The following CDH13 variants were observed in gnomAD, a reference collection of about 807,000 sequenced individuals.
The protein encoded by CDH13 is cadherin-13.
A neutral mutation model predicts 63.8 loss-of-function variants in CDH13; 24 were observed. The ratio of observed to expected loss-of-function variants is 0.38; its 90% CI spans 0.27 to 0.53. CDH13 has a LOEUF of 0.53. CDH13 is among the 20% of genes least tolerant of loss of function. The pLI, the probability that CDH13 is intolerant of heterozygous loss-of-function variation, is 0.85. For synonymous variants in CDH13, 503 were observed against 355.3 expected, an observed-to-expected ratio of 1.42 and a Z score of -4.67; for missense variants, 1,049 against 903.1, an observed-to-expected ratio of 1.16 and a Z score of -2.07.
In CDH13 at chr16:83,222,772, T is replaced by C. The variant is rs10514587; in HGVS notation, c.636+5275T>C. Among the ~76,000 whole-genome samples, 590 of 152,160 alleles carry C rather than the reference T, an allele frequency of 3.9e-3. 7 individuals carry two copies. The highest frequency in any genetic ancestry group is 0.013 in the African/African-American group (551 of 41,464). On this transcript the variant is annotated intron_variant, in intron 5 of 13. Transcript: ENST00000567109. ...ATTTATTAAAGAGTACAGGTAGCCA[T>C]TAGGATTGCCCAAAGTGCCAAGTAA...
At chr16:83,218,516 C>G (rs562911884) in intron 5 of CDH13, among the ~76,000 whole-genome samples, 10 of 152,214 alleles carry the variant, frequency 6.6e-5, no homozygotes, top group African/African-American at 1.9e-4. Flanking sequence ...TCAGAAATAC[C>G]CAGTTCCAGC....
chr16:83,502,693 T>C (rs942080100), intron 7 of CDH13, among the ~76,000 whole-genome samples: 9 of 152,180 alleles, frequency 5.9e-5, no homozygotes, highest in Non-Finnish European at 1.3e-4. Context: ...ACAGGTGAAG[T>C]ACATTAACTC....
chr16:83,050,766 G>C (rs960671683), intron 3 of CDH13, among the ~76,000 whole-genome samples: 1 of 151,860 alleles, frequency 6.6e-6, no homozygotes, highest in African/African-American at 2.4e-5. Context: ...CTCATACTGG[G>C]GTTAACTGTG....
At chr16:83,071,963 C>T (rs1017928257) in intron 3 of CDH13, among the ~76,000 whole-genome samples, 1 of 152,172 alleles carries the variant, frequency 6.6e-6, no homozygotes, top group African/African-American at 2.4e-5. Flanking sequence ...GTCAAAGAGA[C>T]ATATAATTTA....
At chr16:83,018,333 T>C (rs1007349707) in intron 2 of CDH13, among the ~76,000 whole-genome samples, 1 of 152,204 alleles carries the variant, frequency 6.6e-6, no homozygotes, top group Admixed American at 6.5e-5. Flanking sequence ...CACATTCACC[T>C]TTAGTTGCCG....
At chr16:83,543,976 G>T (rs1328561504) in intron 7 of CDH13, among the ~76,000 whole-genome samples, 1 of 152,186 alleles carries the variant, frequency 6.6e-6, no homozygotes, top group Non-Finnish European at 1.5e-5. Context: ...GGAGAACACA[G>T]CTTTGTTGTT....
At chr16:83,168,175 T>C (rs2037766032) in intron 4 of CDH13, among the ~76,000 whole-genome samples, 1 of 152,032 alleles carries the variant, frequency 6.6e-6, no homozygotes, top group African/African-American at 2.4e-5. Flanking sequence ...CCTGCACTTG[T>C]ACCCGCTGAA....
At chr16:82,800,119 G>A (rs535130237) in intron 1 of CDH13, among the ~76,000 whole-genome samples, 52 of 152,130 alleles carry the variant, frequency 3.4e-4, no homozygotes, top group African/African-American at 1.2e-3. Flanking sequence ...TTGCATATTT[G>A]TCTGTCTTGT....
chr16:83,699,402 A>G (rs1905873656), intron 10 of CDH13, among the ~76,000 whole-genome samples: 5 of 152,220 alleles, frequency 3.3e-5, no homozygotes, highest in Admixed American at 3.3e-4. Context: ...TGATAAGTTG[A>G]TAAGTCCTGA....
At chr16:83,003,769 C>T (rs1243012099) in intron 2 of CDH13, among the ~76,000 whole-genome samples, 1 of 152,212 alleles carries the variant, frequency 6.6e-6, no homozygotes, top group Non-Finnish European at 1.5e-5. Context: ...TCAAAGGTTC[C>T]TTAGAATGTT....
chr16:83,060,332 G>T (rs2031414243), intron 3 of CDH13, among the ~76,000 whole-genome samples: 1 of 152,096 alleles, frequency 6.6e-6, no homozygotes, highest in Non-Finnish European at 1.5e-5. Context: ...TAAATGCGTA[G>T]GTCTCCATTC....
chr16:83,108,794 A>G (rs560867399), intron 3 of CDH13, among the ~76,000 whole-genome samples: 4 of 152,266 alleles, frequency 2.6e-5, no homozygotes, highest in East Asian at 1.9e-4. Context: ...TCACAAGCCT[A>G]GAGAATGTGT....
chr16:83,014,319 TAAAAAAAA>T lies in CDH13; in HGVS notation c.158-17674_158-17667del, dbSNP rs34322579. ...AGACAACTCTTAGAGCCCAAATCGATAAAAAAAAAAAAAAAAAAAAAAAACTTAGCATC... is the reference window on the plus strand; with the variant it reads ...AGACAACTCTTAGAGCCCAAATCGATAAAAAAAAAAAAAAAACTTAGCATC... On this transcript the variant is annotated intron_variant, in intron 2 of 13. Coordinates refer to ENST00000567109, the MANE Select transcript of CDH13 (RefSeq NM_001257.5). Among the ~76,000 whole-genome samples the T allele has an allele frequency of 7.5e-3, 508 of 67,724 alleles. 4 individuals carry two copies. The highest frequency in any genetic ancestry group is 0.021 in the African/African-American group (489 of 23,076). The allele number at this position is 67,724 out of a possible 152,430, so 44.4% of individuals were successfully genotyped here. A position where few individuals can be genotyped will look rare whatever the true frequency, so the allele number is the denominator to read the frequency against.
At chr16:82,836,069 C>G (rs1016959170) in intron 1 of CDH13, among the ~76,000 whole-genome samples, 1 of 152,096 alleles carries the variant, frequency 6.6e-6, no homozygotes, top group Non-Finnish European at 1.5e-5. Context: ...CTTTTCAGGG[C>G]CCTAAGTGTG....
intron 2 of CDH13, among the ~76,000 whole-genome samples, chr16:83,028,096 G>C (rs1158857362): frequency 6.6e-6 from 1 of 152,172 alleles, no homozygotes; most frequent in Non-Finnish European, 1.5e-5. Context: ...CCCCAGCTGA[G>C]ACTGTCTTCT....
At chr16:82,689,750 C>T (rs1383209512) in intron 1 of CDH13, among the ~76,000 whole-genome samples, 1 of 151,980 alleles carries the variant, frequency 6.6e-6, no homozygotes, top group Non-Finnish European at 1.5e-5. Flanking sequence ...TCTGGACAAA[C>T]TGGGCTGTCT....
chr16:83,450,280 C>T (rs1017903497), intron 6 of CDH13, among the ~76,000 whole-genome samples: 10 of 152,142 alleles, frequency 6.6e-5, no homozygotes, highest in African/African-American at 1.2e-4. Context: ...CCCTCAAAAG[C>T]GGAAATGTTG....
chr16:83,388,912 A>G (rs1417438623), intron 6 of CDH13, among the ~76,000 whole-genome samples: 1 of 152,162 alleles, frequency 6.6e-6, no homozygotes. Context: ...GTGTGCTCAT[A>G]AGGTGGGAGA....
At chr16:82,934,002 A>G (rs1289991948) in intron 2 of CDH13, among the ~76,000 whole-genome samples, 1 of 152,166 alleles carries the variant, frequency 6.6e-6, no homozygotes, top group Non-Finnish European at 1.5e-5. Context: ...CAAGCTGTCC[A>G]TGGATCTACC....
Sources: gnomAD v4.1 joint callset for allele counts (sites outside exome capture counted in the v4.1 genomes callset) on GRCh38, gnomAD v4.1.1 for gene constraint, MANE v1.5 for transcripts, NCBI Gene and HGNC (gene_info 2026-07-23, HGNC 2026-07-21) for gene names.